PELP1: variants seen among roughly 807,000 people sequenced by gnomAD.
The protein encoded by PELP1 is proline, glutamate and leucine rich protein 1.
Under a neutral mutation model 95.5 loss-of-function variants are expected in PELP1, and 32 were observed. The observed-to-expected ratio is 0.34, with a 90% CI of 0.25 to 0.45. PELP1 has a LOEUF of 0.45. PELP1 is among the 20% of genes least tolerant of loss of function. The probability of loss-of-function intolerance (pLI) is 1.00; values close to 1 mark genes in which losing one functional copy is unlikely to be tolerated. For synonymous variants in PELP1, 668 were observed against 600.1 expected (o/e 1.11, Z -1.65); for missense variants, 1,358 against 1,444.8 (o/e 0.94, Z 0.97).
intron 4 of PELP1, 72 bp from the exon 5 acceptor site, chr17:4,682,645 C>T: frequency 1.4e-6 from 2 of 1,437,958 alleles, no homozygotes; most frequent in Non-Finnish European, 2.0e-6. Flanking sequence ...CCCCCAGCAC[C>T]CCACAAGGGC....
chr17:4,682,939 G>T lies in PELP1; in HGVS notation c.434C>A (p.Pro145His). 2 of 1,467,016 alleles carry T rather than the reference G, an allele frequency of 1.4e-6. No individual in the cohort carries two copies. The highest frequency in any genetic ancestry group is 1.8e-6 in the Non-Finnish European group (2 of 1,116,504). The allele number at this position is 1,467,016 out of a possible 1,614,324, so 90.9% of individuals were successfully genotyped here. A position where few individuals can be genotyped will look rare whatever the true frequency, so the allele number is the denominator to read the frequency against. Residue 145 changes from proline (P) to histidine (H), a missense_variant, in exon 4 of 17, where the codon CCT becomes CAT. Physicochemically the swap from Pro to His is moderately conservative, Grantham distance 77. This residue lies in a region of PELP1 where 538 missense variants were observed against 628.1 expected (regional missense o/e 0.86). Coordinates refer to ENST00000572293, the MANE Select transcript of PELP1 (RefSeq NM_014389.3). Reference sequence around the variant, plus strand: ...AGCCACGGCCAGCTCCATTGTGGCAGGCGGGTCCTGGGTCTAAAGAAAAAA... The same window carrying T: ...AGCCACGGCCAGCTCCATTGTGGCATGCGGGTCCTGGGTCTAAAGAAAAAA... ...IQQVLQTQDP[P>H]ATMELAVAVL...
chr17:4,696,400 C>G (rs1275383801), intron 1 of PELP1, among the ~76,000 whole-genome samples: 1 of 152,128 alleles, frequency 6.6e-6, no homozygotes, highest in African/African-American at 2.4e-5. Context: ...CAAAGAACAA[C>G]AAGGAGACAA....
In PELP1 at chr17:4,671,036, G is replaced by T; in HGVS notation, c.*403C>A. 1 of 218,894 alleles carries T rather than the reference G, an allele frequency of 4.6e-6. No homozygotes were observed. The highest frequency in any genetic ancestry group is 8.9e-6 in the Non-Finnish European group (1 of 111,816). 13.6% of individuals were successfully genotyped at this position (218,894 alleles called of 1,614,324 possible). ...ACCAAGGGGCTGAGCACGCATGCGTGTGGGCATGTGGGTGTTGACACAGGT... is the reference window on the plus strand; with the variant it reads ...ACCAAGGGGCTGAGCACGCATGCGTTTGGGCATGTGGGTGTTGACACAGGT... On this transcript the variant is annotated 3_prime_UTR_variant, in exon 17 of 17. Coordinates refer to ENST00000572293, the MANE Select transcript of PELP1 (RefSeq NM_014389.3).
chr17:4,699,020 T>C (rs1286854454), intron 1 of PELP1, among the ~76,000 whole-genome samples: 17 of 152,212 alleles, frequency 1.1e-4, no homozygotes, highest in Non-Finnish European at 1.5e-5. Flanking sequence ...TGTGCATTTA[T>C]GTTATTCTCA....
At chr17:4,689,569 T>G (rs1913019836) in intron 3 of PELP1, among the ~76,000 whole-genome samples, 1 of 152,030 alleles carries the variant, frequency 6.6e-6, no homozygotes, top group Non-Finnish European at 1.5e-5. Context: ...ACATGAAACA[T>G]CACTACCATT....
At chr17:4,686,096 C>CA (rs1489372316) in intron 3 of PELP1, among the ~76,000 whole-genome samples, 2 of 151,638 alleles carry the variant, frequency 1.3e-5, no homozygotes, top group South Asian at 2.1e-4. Flanking sequence ...GACTCCACCT[C>CA]AAAAAAAAGC....
chr17:4,674,409 A>G, intron 13 of PELP1, 101 bp downstream of exon 13: 3 of 1,126,080 alleles, frequency 2.7e-6, no homozygotes, highest in South Asian at 1.4e-5. Flanking sequence ...CTCTCCCCAC[A>G]AAAGTTTCAC....
intron 1 of PELP1, among the ~76,000 whole-genome samples, chr17:4,699,867 G>A (rs1280280188): frequency 2.0e-5 from 3 of 146,828 alleles, no homozygotes; most frequent in African/African-American, 7.5e-5. Context: ...GATTACAGAT[G>A]TGAGTCACTG....
rs745517707 is a variant in PELP1, at chr17:4,703,900, C to G, written c.212G>C (p.Cys71Ser). 3.1e-6 allele frequency: 5 copies of G among 1,613,370 alleles called. No homozygotes were observed. In the South Asian group the frequency reaches 4.4e-5, roughly 14 times the overall value. Reference protein sequence around the residue: ...RSAPHLPGLMCLLRLHGSVGG... With the variant: ...RSAPHLPGLMSLLRLHGSVGG... ...CACCGACCCATGCAGCCGCAATAGG[C>G]ACATGAGCCCGGGCAAATGTGGGGC... The change falls in exon 1 of 17, where the codon TGC becomes TCC. Residue 71 changes from cysteine (C) to serine (S), a missense_variant. This residue lies in a region of PELP1 where 169 missense variants were observed against 134.9 expected (regional missense o/e 1.25). Transcript: ENST00000572293.
At chr17:4,683,068 C>A in intron 3 of PELP1, 116 bp from the exon 4 acceptor site, 1 of 1,344,120 alleles carries the variant, frequency 7.4e-7, no homozygotes, top group Non-Finnish European at 9.6e-7. Flanking sequence ...GTCTGACCAT[C>A]CAAGCCACTA....
chr17:4,703,775 A>G (rs1567671012), intron 1 of PELP1, 88 bp downstream of exon 1: 3 of 1,159,682 alleles, frequency 2.6e-6, no homozygotes, highest in South Asian at 3.0e-5. Flanking sequence ...CAACCTCCCT[A>G]TCGCACTTGC....
intron 1 of PELP1, among the ~76,000 whole-genome samples, chr17:4,694,042 A>G (rs1682545962): frequency 6.6e-6 from 1 of 152,170 alleles, no homozygotes; most frequent in South Asian, 2.1e-4. Flanking sequence ...GCAAAACAGA[A>G]AAGAGTAATA....
At position 4,670,263 on chromosome 17, in the gene PELP1, G is replaced by A. The variant is rs1463846130; in HGVS notation, c.*1176C>T. ...GAGAAATGACTCCCTCTTCTGCATTGCGAAGGCACTTTACTTACGTTCATG... is the reference window on the plus strand; with the variant it reads ...GAGAAATGACTCCCTCTTCTGCATTACGAAGGCACTTTACTTACGTTCATG... On this transcript the variant is annotated 3_prime_UTR_variant, in exon 17 of 17. Coordinates refer to ENST00000572293, the MANE Select transcript of PELP1 (RefSeq NM_014389.3). 1.3e-5 allele frequency: 2 copies of A among 152,162 alleles called. No homozygotes were observed. The highest frequency in any genetic ancestry group is 2.9e-5 in the Non-Finnish European group (2 of 68,040). The allele number at this position is 152,162 out of a possible 1,614,324, so 9.4% of individuals were successfully genotyped here.
At chr17:4,695,663 C>T (rs1439934959) in intron 1 of PELP1, among the ~76,000 whole-genome samples, 1 of 72,790 alleles carries the variant, frequency 1.4e-5, no homozygotes, top group Non-Finnish European at 2.8e-5. Context: ...GAGACCCTCT[C>T]TCTTAAAAAA....
chr17:4,675,037 C>A lies in PELP1; in HGVS notation c.1274+42G>T. ...CCAGCCCACCTGCACCCCCTCACCC[C>A]CCTCTCCTCTTTATTCCCTTCCTGC... On this transcript the variant is annotated intron_variant, in intron 11 of 16. Transcript: ENST00000572293. The surrounding 1 kb of genome is among the most constrained non-coding windows in gnomAD (Gnocchi z 4.3). 1 of 1,609,104 alleles carries A rather than the reference C, an allele frequency of 6.2e-7. No homozygotes were observed. The highest frequency in any genetic ancestry group is 8.5e-7 in the Non-Finnish European group (1 of 1,175,804).
In PELP1 at chr17:4,672,740, G is replaced by C; in HGVS notation, c.2251C>G (p.Pro751Ala). The C allele has an allele frequency of 6.2e-7, 1 of 1,613,548 alleles. No homozygotes were observed. Reference sequence around the variant, plus strand: ...CTCCCCCCAAAAGTTTCATCTGGGGGTATAGTAGGTGGGGGAGTCCCACTA... The same window carrying C: ...CTCCCCCCAAAAGTTTCATCTGGGGCTATAGTAGGTGGGGGAGTCCCACTA... ...APSGTPPPTI[P>A]PDETFGGRVP... Residue 751 changes from proline to alanine, a missense_variant, in exon 16 of 17, where the codon CCC becomes GCC. By Grantham distance (27) the Pro-to-Ala change is conservative. Coordinates refer to ENST00000572293, the MANE Select transcript of PELP1 (RefSeq NM_014389.3).
chr17:4,676,831 A>T lies in PELP1; in HGVS notation c.643-19T>A. The T allele has an allele frequency of 6.4e-7, 1 of 1,552,982 alleles. No homozygotes were observed. On this transcript the variant is annotated intron_variant, in intron 5 of 16. Coordinates refer to ENST00000572293, the MANE Select transcript of PELP1 (RefSeq NM_014389.3). ...GCTTGCCCTGGATGTGGAGGAAAAAAGGAAGAGGCCAGTGAGCCAGCTCTG... is the reference window on the plus strand; with the variant it reads ...GCTTGCCCTGGATGTGGAGGAAAAATGGAAGAGGCCAGTGAGCCAGCTCTG...
intron 1 of PELP1, among the ~76,000 whole-genome samples, chr17:4,692,768 G>C (rs1341220515): frequency 1.3e-5 from 2 of 152,078 alleles, no homozygotes; most frequent in African/African-American, 2.4e-5. Flanking sequence ...CCAGCACTTT[G>C]GGATGCCGAG....
chr17:4,683,360 A>G (rs1289739745), intron 3 of PELP1, among the ~76,000 whole-genome samples: 1 of 151,218 alleles, frequency 6.6e-6, no homozygotes, highest in African/African-American at 2.4e-5. Flanking sequence ...AGCTGAGACT[A>G]CAAGCGCCCG....
Sources: gnomAD v4.1 joint callset for allele counts (sites outside exome capture counted in the v4.1 genomes callset) on GRCh38, gnomAD v4.1.1 for gene constraint, gnomAD v4.1.1 regional missense constraint, Gnocchi (gnomAD v3.1) non-coding constraint, MANE v1.5 for transcripts, NCBI Gene and HGNC (gene_info 2026-07-23, HGNC 2026-07-21) for gene names.